VPS35L: variants seen among roughly 807,000 people sequenced by gnomAD.
The protein encoded by VPS35L is VPS35 endosomal protein sorting factor like.
Under a neutral mutation model 133.0 loss-of-function variants are expected in VPS35L, and 83 were observed. The observed-to-expected ratio is 0.62, with a 90% CI of 0.52 to 0.75. VPS35L has a LOEUF of 0.75. Ranked by LOEUF, VPS35L falls within the 30% of genes least tolerant of loss-of-function variation. The pLI, the probability that VPS35L is intolerant of heterozygous loss-of-function variation, is 0.00. For synonymous variants in VPS35L, 423 were observed against 449.9 expected (o/e 0.94, Z 0.76); for missense variants, 1,083 against 1,206.8 (o/e 0.90, Z 1.52).
At chr16:19,674,254 C>T (rs539339135) in intron 27 of VPS35L, among the ~76,000 whole-genome samples, 6 of 135,508 alleles carry the variant, frequency 4.4e-5, no homozygotes, top group South Asian at 4.6e-4. Context: ...ATGCAGTGCG[C>T]GATCTCGGCT....
At chr16:19,624,044 T>TGAC (rs1338072199) in intron 14 of VPS35L, among the ~76,000 whole-genome samples, 1 of 149,366 alleles carries the variant, frequency 6.7e-6, no homozygotes, top group Non-Finnish European at 1.5e-5. Flanking sequence ...GGTCAAGCCA[T>TGAC]CTGTCCCCAT....
At chr16:19,579,255 G>A (rs556634884) in intron 6 of VPS35L, 127 bp downstream of exon 6, 2 of 822,334 alleles carry the variant, frequency 2.4e-6, no homozygotes, top group African/African-American at 3.4e-5. Context: ...GTCCTCTCGA[G>A]GCAATGACTC....
chr16:19,576,407 C>G (rs542858277), intron 5 of VPS35L, among the ~76,000 whole-genome samples: 2 of 152,286 alleles, frequency 1.3e-5, no homozygotes, highest in South Asian at 2.1e-4. Context: ...TCAGCTTCCT[C>G]TCCTAAGACA....
chr16:19,558,972 AAG>A (rs2151495911), intron 1 of VPS35L, among the ~76,000 whole-genome samples: 1 of 143,442 alleles, frequency 7.0e-6, no homozygotes, highest in African/African-American at 2.7e-5. Flanking sequence ...ACATCATTTT[AAG>A]AGTTTTTTTT....
chr16:19,628,640 C>G lies in VPS35L; in HGVS notation c.1387C>G (p.Leu463Val). 6.5e-7 allele frequency: 1 copy of G among 1,548,146 alleles called. No individual in the cohort carries two copies. Among genetic ancestry groups the G allele is most frequent in the Non-Finnish European group, 8.9e-7 (1 of 1,128,648 alleles). ...ECDESGFPKH[L>V]LFRSLGLNLA... Reference sequence around the variant, plus strand: ...GATGGTTTGACATGTTTCTTAGCATCTTCTTTTTCGATCACTGGGATTAAA... The same window carrying G: ...GATGGTTTGACATGTTTCTTAGCATGTTCTTTTTCGATCACTGGGATTAAA... Residue 463 changes from leucine (L) to valine (V), a missense_variant, in exon 17 of 31, where the codon CTT becomes GTT. By Grantham distance (32) the Leu-to-Val change is conservative (BLOSUM62 1). Coordinates refer to ENST00000417362, the MANE Select transcript of VPS35L (RefSeq NM_020314.7).
chr16:19,634,378 A>G lies in VPS35L; in HGVS notation c.1635+1206A>G, dbSNP rs1973556123. Reference sequence around the variant, plus strand: ...CCTTACCCTTGGAGGCTGAAGTTGCAGTGAGCCCTCCAGCCCGGGTGAGAG... The same window carrying G: ...CCTTACCCTTGGAGGCTGAAGTTGCGGTGAGCCCTCCAGCCCGGGTGAGAG... On this transcript the variant is annotated intron_variant, in intron 19 of 30. Coordinates refer to ENST00000417362, the MANE Select transcript of VPS35L (RefSeq NM_020314.7). Among the ~76,000 whole-genome samples, 2 of 150,094 alleles carry G rather than the reference A, an allele frequency of 1.3e-5. 1 individual carries two copies. The highest frequency in any genetic ancestry group is 4.3e-4 in the South Asian group (2 of 4,646).
intron 29 of VPS35L, among the ~76,000 whole-genome samples, chr16:19,698,884 T>G (rs1487973606): frequency 6.6e-6 from 1 of 152,148 alleles, no homozygotes; most frequent in African/African-American, 2.4e-5. Context: ...TCTTTATCAC[T>G]CAAAGCTGGA....
intron 26 of VPS35L, among the ~76,000 whole-genome samples, chr16:19,664,589 A>C (rs1974599153): frequency 1.3e-5 from 2 of 151,370 alleles, no homozygotes; most frequent in African/African-American, 2.4e-5. Context: ...AAAAAAAAAA[A>C]GGTATATGGA....
rs191479075 is a variant in VPS35L at position 19,679,887 on chromosome 16, A to T, written c.2362-2338A>T. 2.3e-3 allele frequency among the ~76,000 whole-genome samples: 350 copies of T among 152,356 alleles called. 1 individual carries two copies. The highest frequency in any genetic ancestry group is 8.2e-3 in the African/African-American group (340 of 41,584). ...CTCCACAATTGTCCTCACCCACTTG[A>T]AAGTATGACTGCAATATGTACACAC... On this transcript the variant is annotated intron_variant, in intron 27 of 30. Transcript: ENST00000417362.
intron 9 of VPS35L, among the ~76,000 whole-genome samples, chr16:19,606,372 C>A (rs1330396740): frequency 6.6e-6 from 1 of 152,186 alleles, no homozygotes; most frequent in Non-Finnish European, 1.5e-5. Flanking sequence ...TAACTGCTAT[C>A]TTTTCCTGTC....
chr16:19,674,345 C>G (rs1178974428), intron 27 of VPS35L, among the ~76,000 whole-genome samples: 1 of 146,328 alleles, frequency 6.8e-6, no homozygotes, highest in Admixed American at 6.8e-5. Flanking sequence ...GCGCCCACCA[C>G]CACACCTGGC....
intron 8 of VPS35L, 169 bp from the exon 9 acceptor site, chr16:19,601,495 A>G (rs1046189354): frequency 1.8e-5 from 11 of 626,996 alleles, no homozygotes; most frequent in Non-Finnish European, 2.7e-5. Context: ...AACTAAAAAC[A>G]AAACAAAAAA....
Position 19,678,530 on chromosome 16 carries a change from C to T in VPS35L, c.2362-3695C>T, listed in dbSNP as rs556465741. 4.7e-5 allele frequency among the ~76,000 whole-genome samples: 7 copies of T among 150,320 alleles called. No homozygotes were observed. In the South Asian group the frequency reaches 1.3e-3, roughly 27 times the overall value. On this transcript the variant is annotated intron_variant, in intron 27 of 30. Coordinates refer to ENST00000417362, the MANE Select transcript of VPS35L (RefSeq NM_020314.7). ...TCTCGCTCTGTTGCCCAGGCTGGAG[C>T]GCAGTGGCACGATCTCGGCTCACTG... is the stretch of plus-strand genomic sequence containing the variant.
At chr16:19,588,886 G>A (rs1000777709) in intron 7 of VPS35L, among the ~76,000 whole-genome samples, 2 of 152,182 alleles carry the variant, frequency 1.3e-5, no homozygotes, top group African/African-American at 4.8e-5. Context: ...GCCAGCATAC[G>A]CTTGTAGTAG....
intron 20 of VPS35L, among the ~76,000 whole-genome samples, chr16:19,638,172 T>C (rs1973678470): frequency 6.6e-6 from 1 of 152,240 alleles, no homozygotes; most frequent in African/African-American, 2.4e-5. Context: ...TTATTCCCTG[T>C]ATAGTAACAT....
intron 4 of VPS35L, 35 bp from the exon 5 acceptor site, chr16:19,575,063 T>C: frequency 6.4e-7 from 1 of 1,561,192 alleles, no homozygotes; most frequent in Non-Finnish European, 8.7e-7. Flanking sequence ...CTGCCTTCGA[T>C]TTTTAAAATA....
At chr16:19,663,166 C>T (rs905395019) in intron 26 of VPS35L, among the ~76,000 whole-genome samples, 2 of 151,812 alleles carry the variant, frequency 1.3e-5, no homozygotes, top group African/African-American at 4.8e-5. Flanking sequence ...AAAAAATTAG[C>T]TGGGCATGGT....
intron 6 of VPS35L, among the ~76,000 whole-genome samples, chr16:19,580,026 C>T (rs1206592577): frequency 6.6e-6 from 1 of 150,762 alleles, no homozygotes; most frequent in East Asian, 2.0e-4. Flanking sequence ...ATGGTGAAAC[C>T]CCGTCTCTAC....
intron 9 of VPS35L, among the ~76,000 whole-genome samples, chr16:19,606,055 G>A (rs1161699982): frequency 6.6e-6 from 1 of 152,160 alleles, no homozygotes; most frequent in East Asian, 1.9e-4. Flanking sequence ...TATCTCTTGA[G>A]CTGGAAGGAA....
Sources: allele counts gnomAD v4.1 joint callset (sites outside exome capture counted in the v4.1 genomes callset), GRCh38; gene constraint gnomAD v4.1.1; transcripts MANE v1.5; gene names NCBI Gene and HGNC (gene_info 2026-07-23, HGNC 2026-07-21).